Variants in HAUS8 observed in about 807,000 individuals in gnomAD.
HAUS8 encodes HAUS augmin-like complex subunit 8.
In HAUS8, 38 loss-of-function variants were observed where a neutral mutation model predicts 42.9. That is an observed-to-expected ratio of 0.89 (90% CI 0.68 to 1.16). The LOEUF (loss-of-function observed/expected upper bound fraction) is 1.16, where lower values mean the gene tolerates loss of function less well. HAUS8 is among the 50% of genes most tolerant of loss of function. HAUS8 has a pLI of 0.00. For missense variants in HAUS8, 494 were observed against 511.6 expected, an observed-to-expected ratio of 0.97 and a Z score of 0.33; for synonymous variants, 199 against 205.8, an observed-to-expected ratio of 0.97 and a Z score of 0.28.
intron 2 of HAUS8, among the ~76,000 whole-genome samples, chr19:17,072,235 T>C (rs779857593): frequency 2.6e-5 from 4 of 152,110 alleles, no homozygotes; most frequent in Non-Finnish European, 5.9e-5. Context: ...GCTCGCTGAA[T>C]TGGGCCCTGC....
At chr19:17,070,158 TCTC>T (rs202122970) in intron 2 of HAUS8, among the ~76,000 whole-genome samples, 1,547 of 147,344 alleles carry the variant, frequency 0.01, 28 homozygotes, top group African/African-American at 0.037. Context: ...CTCCCCTTTC[TCTC>T]CTTTCTCCTT....
intron 9 of HAUS8, 187 bp from the exon 10 acceptor site, chr19:17,053,153 T>C: frequency 3.1e-6 from 2 of 637,860 alleles, no homozygotes; most frequent in Non-Finnish European, 5.4e-6. Flanking sequence ...GCTCTGAGAT[T>C]GTGGGACAGG....
intron 9 of HAUS8, 86 bp from the exon 10 acceptor site, chr19:17,053,052 T>C: frequency 6.6e-7 from 1 of 1,514,624 alleles, no homozygotes; most frequent in Admixed American, 1.7e-5. Context: ...CAGACTTCTG[T>C]CATGATGCTC....
At position 17,052,818 on chromosome 19, in the gene HAUS8, G is replaced by C. The variant is rs547886350; in HGVS notation, c.929+7C>G. The C allele has an allele frequency of 3.1e-6, 5 of 1,614,134 alleles. No individual in the cohort carries two copies. Among genetic ancestry groups the C allele is most frequent in the African/African-American group, 1.3e-5 (1 of 75,046 alleles). ...CCACCTCTTTCTTAAAGCATTTTCC[G>C]AGGTACCTTCGGAGCTCAAGGTCCT... On this transcript the variant is annotated splice_region_variant and intron_variant, in intron 10 of 10. Transcript: ENST00000253669.
rs915884439 is a variant in HAUS8 at position 17,049,808 on chromosome 19, T to C, written c.*65A>G. 6 of 1,234,902 alleles carry C rather than the reference T, an allele frequency of 4.9e-6. No homozygotes were observed. The highest frequency in any genetic ancestry group is 5.3e-6 in the Non-Finnish European group (5 of 944,120). The allele number at this position is 1,234,902 out of a possible 1,614,324, so 76.5% of individuals were successfully genotyped here. ...TTTTTTATCAAACAAGATTATCACA[T>C]AAAAAATAGCTACAGTGCTACGGTA... On this transcript the variant is annotated 3_prime_UTR_variant, in exon 11 of 11. Coordinates refer to ENST00000253669, the MANE Select transcript of HAUS8 (RefSeq NM_033417.2).
chr19:17,058,788 C>T lies in HAUS8; in HGVS notation c.486+23G>A, dbSNP rs370142491. ...AGGCCACCCTTCCATCCATGGCATA[C>T]GTGAACAAGAAACTGTTTTCACCTT... On this transcript the variant is annotated intron_variant, in intron 7 of 10. Transcript: ENST00000253669. The T allele has an allele frequency of 8.0e-4, 1,293 of 1,610,898 alleles. 6 individuals are homozygous for T. The highest frequency in any genetic ancestry group is 1.9e-3 in the South Asian group (172 of 90,368).
intron 2 of HAUS8, 70 bp downstream of exon 2, chr19:17,073,204 T>C: frequency 7.1e-7 from 1 of 1,414,150 alleles, no homozygotes; most frequent in Admixed American, 1.7e-5. Context: ...GGCCTGTTTT[T>C]TTCTTCCTCC....
intron 10 of HAUS8, chr19:17,051,991 T>C (rs1404704847): frequency 6.6e-6 from 1 of 151,518 alleles, no homozygotes; most frequent in Non-Finnish European, 1.5e-5. Context: ...AAATACAAAA[T>C]TAGCCGGGCG....
At chr19:17,062,267 G>A (rs1227561938) in intron 4 of HAUS8, among the ~76,000 whole-genome samples, 1 of 152,310 alleles carries the variant, frequency 6.6e-6, no homozygotes, top group East Asian at 1.9e-4. Context: ...AAGTAGCTGG[G>A]ATTATAGGCG....
intron 2 of HAUS8, 45 bp from the exon 3 acceptor site, chr19:17,069,131 G>A (rs374714336): frequency 3.1e-5 from 49 of 1,568,250 alleles, no homozygotes; most frequent in African/African-American, 2.6e-4. Context: ...ACAAAGGACC[G>A]AAGACCCCAC....
chr19:17,059,309 G>A (rs1184708331), intron 6 of HAUS8, among the ~76,000 whole-genome samples: 1 of 152,216 alleles, frequency 6.6e-6, no homozygotes, highest in Non-Finnish European at 1.5e-5. Flanking sequence ...CACAGCATGG[G>A]CACAGAGAAG....
At position 17,059,560 on chromosome 19, in the gene HAUS8, GCT is replaced by G. The variant is rs1275977655; in HGVS notation, c.415_416del (p.Ser139ProfsTer5). 3 of 1,609,026 alleles carry G rather than the reference GCT, an allele frequency of 1.9e-6. No homozygotes were observed. In the African/African-American group the frequency reaches 4.0e-5, roughly 22 times the overall value. On this transcript the variant is annotated frameshift_variant, in exon 6 of 11. Coordinates refer to ENST00000253669, the MANE Select transcript of HAUS8 (RefSeq NM_033417.2). LOFTEE classifies it high-confidence loss of function. The stretch of plus-strand genomic sequence containing the variant: ...CCCTCTTCTTTCAGACACTTACCGG[GCT>G]CTTTTTCCGAGGGGCAGAAAATGAT... ...STSFSAPRKK[S>X]PDLSEAMEMM...
Position 17,068,955 on chromosome 19 carries a change from A to G in HAUS8, c.147+76T>C, listed in dbSNP as rs2057404332. 4 of 1,355,560 alleles carry G rather than the reference A, an allele frequency of 3.0e-6. 1 individual carries two copies. The highest frequency in any genetic ancestry group is 2.4e-5 in the South Asian group (2 of 81,996). 84.0% of individuals were successfully genotyped at this position (1,355,560 alleles called of 1,614,324 possible). On this transcript the variant is annotated intron_variant, in intron 3 of 10. Coordinates refer to ENST00000253669, the MANE Select transcript of HAUS8 (RefSeq NM_033417.2). ...CAGGACCAGGTTGTGACCACCTCCCATGACTAGTTTCGGAATTCCAGTTGC... is the reference window on the plus strand; with the variant it reads ...CAGGACCAGGTTGTGACCACCTCCCGTGACTAGTTTCGGAATTCCAGTTGC...
In HAUS8 at chr19:17,058,461, AC is replaced by A; in HGVS notation, c.645+87del. On this transcript the variant is annotated intron_variant, in intron 8 of 10. Transcript: ENST00000253669. ...CAGTTAGAAGCCAGTGAGCAATGAT[AC>A]CCTAGCACGAATGCTACCGAAACAG... The A allele has an allele frequency of 8.4e-6, 11 of 1,306,568 alleles. No homozygotes were observed. The South Asian group carries it at 1.6e-4, about 19-fold the overall frequency. 80.9% of individuals were successfully genotyped at this position (1,306,568 alleles called of 1,614,324 possible). A position where few individuals can be genotyped will look rare whatever the true frequency, so the allele number is the denominator to read the frequency against.
intron 1 of HAUS8, 74 bp from the exon 2 acceptor site, chr19:17,073,409 G>T: frequency 7.4e-7 from 1 of 1,357,418 alleles, no homozygotes; most frequent in Non-Finnish European, 1.1e-6. Flanking sequence ...AGGTGCCTCT[G>T]CTAGTTGAAG....
chr19:17,062,971 G>A (rs2057369724), intron 3 of HAUS8, among the ~76,000 whole-genome samples, 192 bp from the exon 4 acceptor site: 1 of 152,228 alleles, frequency 6.6e-6, no homozygotes, highest in Admixed American at 6.5e-5. Flanking sequence ...CTCACTTGCA[G>A]AGAACATAGG....
chr19:17,057,779 GAA>G (rs2057335131), intron 8 of HAUS8, among the ~76,000 whole-genome samples: 1 of 152,110 alleles, frequency 6.6e-6, no homozygotes, highest in Admixed American at 6.6e-5. Flanking sequence ...GCCCTTATTT[GAA>G]AAGAGGGACT....
chr19:17,050,369 G>C (rs1052944705), intron 10 of HAUS8, among the ~76,000 whole-genome samples, 193 bp from the exon 11 acceptor site: 1 of 152,128 alleles, frequency 6.6e-6, no homozygotes, highest in African/African-American at 2.4e-5. Flanking sequence ...CACCAGACAT[G>C]AAAGGAAAGA....
At chr19:17,073,448 G>T in intron 1 of HAUS8, 113 bp from the exon 2 acceptor site, 1 of 976,332 alleles carries the variant, frequency 1.0e-6, no homozygotes, top group Non-Finnish European at 1.7e-6. Flanking sequence ...AGGGCTGCCA[G>T]AGGACAATTT....
Sources: gnomAD v4.1 joint callset for allele counts (sites outside exome capture counted in the v4.1 genomes callset) on GRCh38, gnomAD v4.1.1 for gene constraint, MANE v1.5 for transcripts, NCBI Gene and HGNC (gene_info 2026-07-23, HGNC 2026-07-21) for gene names.